Variants in DVL1 observed in about 807,000 individuals in gnomAD.
DVL1 encodes the protein segment polarity protein dishevelled homolog DVL-1.
A neutral mutation model predicts 65.0 loss-of-function variants in DVL1; 49 were observed. That is an observed-to-expected ratio of 0.75 (90% CI 0.60 to 0.96). DVL1 has a LOEUF of 0.96. Among genes scored for constraint, DVL1 ranks in the 40% least tolerant of loss-of-function variants. The pLI is 0.00. For synonymous variants in DVL1, 608 were observed against 433.9 expected (o/e 1.40, Z -4.99); for missense variants, 1,197 against 1,045.4 (o/e 1.15, Z -2.00).
chr1:1,339,167 G>A lies in DVL1; in HGVS notation c.1207+120C>T, dbSNP rs968566352. 5.2e-6 allele frequency: 7 copies of A among 1,349,016 alleles called. No individual in the cohort carries two copies. The East Asian group carries it at 7.5e-5, about 14-fold the overall frequency. The allele number at this position is 1,349,016 out of a possible 1,614,324, so 83.6% of individuals were successfully genotyped here. Reference sequence around the variant, plus strand: ...GCACACGTCTGTGCAGGGAGTTGGGGACAGGCAACACACACGTGTCACAGC... The same window carrying A: ...GCACACGTCTGTGCAGGGAGTTGGGAACAGGCAACACACACGTGTCACAGC... On this transcript the variant is annotated intron_variant, in intron 11 of 14. Transcript: ENST00000378888.
Position 1,340,479 on chromosome 1 carries a change from G to A in DVL1, c.630C>T (p.Ser210=), listed in dbSNP as rs1180300096. 1.2e-6 allele frequency: 2 copies of A among 1,609,292 alleles called. No homozygotes were observed. The highest frequency in any genetic ancestry group is 1.7e-6 in the Non-Finnish European group (2 of 1,178,192). ...GCTTCCGGATGAGTCTGGATGAGGT[G>A]CTCTGCTCCGTGGAGCTGCTGAGCC... ...TSRLSSSTEQ[S]TSSRLIRKHK... Residue 210 remains serine (S), a synonymous_variant, in exon 6 of 15, where the codon AGC becomes AGT. Transcript: ENST00000378888.
At position 1,335,905 on chromosome 1, in the gene DVL1, G is replaced by A. The variant is rs1643554500; in HGVS notation, c.*237C>T. On this transcript the variant is annotated 3_prime_UTR_variant, in exon 15 of 15. Coordinates refer to ENST00000378888, the MANE Select transcript of DVL1 (RefSeq NM_001330311.2). Reference sequence around the variant, plus strand: ...GGATCCCCACCAGACACAAGGGGTTGGGAGGTCCGAGGCTCTCGCTGAGGG... The same window carrying A: ...GGATCCCCACCAGACACAAGGGGTTAGGAGGTCCGAGGCTCTCGCTGAGGG... 1.7e-5 allele frequency: 10 copies of A among 595,738 alleles called. No individual in the cohort carries two copies. In the South Asian group the frequency reaches 2.0e-4, roughly 12 times the overall value. 36.9% of individuals were successfully genotyped at this position (595,738 alleles called of 1,614,324 possible). A position where few individuals can be genotyped will look rare whatever the true frequency, so the allele number is the denominator to read the frequency against.
At chr1:1,344,187 C>G (rs1643885719) in intron 1 of DVL1, among the ~76,000 whole-genome samples, 1 of 152,178 alleles carries the variant, frequency 6.6e-6, no homozygotes, top group Non-Finnish European at 1.5e-5. Context: ...CCTCGTGGCA[C>G]CCTGCCCTGC....
chr1:1,335,876 G>C lies in DVL1; in HGVS notation c.*266C>G, dbSNP rs947275888. 5 of 565,314 alleles carry C rather than the reference G, an allele frequency of 8.8e-6. No individual in the cohort carries two copies. Among genetic ancestry groups the C allele is most frequent in the Non-Finnish European group, 1.6e-5 (5 of 317,978 alleles). 35.0% of individuals were successfully genotyped at this position (565,314 alleles called of 1,614,324 possible). A position where few individuals can be genotyped will look rare whatever the true frequency, so the allele number is the denominator to read the frequency against. On this transcript the variant is annotated 3_prime_UTR_variant, in exon 15 of 15. Transcript: ENST00000378888. ...GCCCGAGGGGGTCTTCCTCATCCCAGGAGGGATCCCCACCAGACACAAGGG... is the reference window on the plus strand; with the variant it reads ...GCCCGAGGGGGTCTTCCTCATCCCACGAGGGATCCCCACCAGACACAAGGG...
In DVL1 at chr1:1,342,039, C is replaced by T. The variant is rs1350821017; in HGVS notation, c.466+14G>A. On this transcript the variant is annotated intron_variant, in intron 4 of 14. Transcript: ENST00000378888. ...GGCTGGGGGTCCACAGCTGGGCAGA[C>T]ATGACCACTGTACCCTCCTCGCGGT... is the stretch of plus-strand genomic sequence containing the variant. The T allele has an allele frequency of 6.4e-7, 1 of 1,557,578 alleles. No individual in the cohort carries two copies. Among genetic ancestry groups the T allele is most frequent in the Admixed American group, 1.9e-5 (1 of 52,828 alleles).
chr1:1,347,745 C>T (rs963470563), intron 1 of DVL1, among the ~76,000 whole-genome samples: 1 of 152,198 alleles, frequency 6.6e-6, no homozygotes, highest in Non-Finnish European at 1.5e-5. Context: ...AAACAAACCG[C>T]CCCCTCCTGC....
At chr1:1,348,304 A>G (rs545653547) in intron 1 of DVL1, among the ~76,000 whole-genome samples, 6 of 152,258 alleles carry the variant, frequency 3.9e-5, no homozygotes, top group Admixed American at 3.9e-4. Flanking sequence ...CGGGAACGCA[A>G]GTGCTTTGTG....
intron 14 of DVL1, 92 bp downstream of exon 14, chr1:1,337,884 CG>C (rs1557663549): frequency 1.3e-6 from 1 of 744,124 alleles, no homozygotes. Context: ...GGAGCAGCAG[CG>C]GGGTGGGGTG....
At chr1:1,339,235 C>T (rs1456192785) in intron 11 of DVL1, 52 bp downstream of exon 11, 7 of 1,545,340 alleles carry the variant, frequency 4.5e-6, no homozygotes, top group African/African-American at 1.4e-5. Context: ...CTGGCAGAGA[C>T]GCCCCCTCCA....
At position 1,335,857 on chromosome 1, in the gene DVL1, G is replaced by T. The variant is rs943495589; in HGVS notation, c.*285C>A. The T allele has an allele frequency of 3.9e-6, 2 of 517,730 alleles. No homozygotes were observed. Among genetic ancestry groups the T allele is most frequent in the Non-Finnish European group, 6.9e-6 (2 of 291,488 alleles). The allele number at this position is 517,730 out of a possible 1,614,324, so 32.1% of individuals were successfully genotyped here. On this transcript the variant is annotated 3_prime_UTR_variant, in exon 15 of 15. Transcript: ENST00000378888. The stretch of plus-strand genomic sequence containing the variant: ...AGGTGGGGGTCAGCCGAGAGCCCGA[G>T]GGGGTCTTCCTCATCCCAGGAGGGA...
Position 1,341,197 on chromosome 1 carries a change from G to A in DVL1, c.605+470C>T, listed in dbSNP as rs1273717109. Among the ~76,000 whole-genome samples the A allele has an allele frequency of 2.0e-5, 3 of 147,578 alleles. No homozygotes were observed. The East Asian group carries it at 6.2e-4, about 30-fold the overall frequency. ...CCTGCACACACGCACATCTGCACAC[G>A]CACACCTGCACACACGCACACGCAC... On this transcript the variant is annotated intron_variant, in intron 5 of 14. Transcript: ENST00000378888.
At chr1:1,338,805 C>A in intron 11 of DVL1, 152 bp from the exon 12 acceptor site, 1 of 1,273,374 alleles carries the variant, frequency 7.9e-7, no homozygotes, top group East Asian at 2.5e-5. Context: ...CTGCAGGATG[C>A]ACCCCCGTGA....
At chr1:1,338,723 C>A in intron 11 of DVL1, 70 bp from the exon 12 acceptor site, 2 of 1,552,952 alleles carry the variant, frequency 1.3e-6, no homozygotes, top group Admixed American at 1.8e-5. Context: ...CCTGCACCCC[C>A]AGGGGAGCCT....
At position 1,338,530 on chromosome 1, in the gene DVL1, G is replaced by A. The variant is rs1643670625; in HGVS notation, c.1331C>T (p.Ala444Val). 1 of 1,612,422 alleles carries A rather than the reference G, an allele frequency of 6.2e-7. No individual in the cohort carries two copies. The highest frequency in any genetic ancestry group is 1.3e-5 in the African/African-American group (1 of 74,936). Residue 444 changes from alanine (A) to valine (V), a missense_variant, in exon 12 of 15, where the codon GCC becomes GTC. Ala to Val is a moderately conservative substitution (Grantham distance 64). Coordinates refer to ENST00000378888, the MANE Select transcript of DVL1 (RefSeq NM_001330311.2). Reference protein sequence around the residue: ...RMWLKITIANAVIGADVVDWL... With the variant: ...RMWLKITIANVVIGADVVDWL... ...CGGGGACGGCCACTCACCGATGACGGCATTGGCGATGGTGATCTTGAGCCA... is the reference window on the plus strand; with the variant it reads ...CGGGGACGGCCACTCACCGATGACGACATTGGCGATGGTGATCTTGAGCCA...
In DVL1 at chr1:1,338,303, C is replaced by T. The variant is rs1426081683; in HGVS notation, c.1473G>A (p.Glu491=). 1 of 1,610,338 alleles carries T rather than the reference C, an allele frequency of 6.2e-7. No individual in the cohort carries two copies. Among genetic ancestry groups the T allele is most frequent in the South Asian group, 1.1e-5 (1 of 90,938 alleles). ...GATCCCCGAAGACGTAGTAGCACTG[C>T]TCGGAGAAGGTGATCTTGTTGACCG... ...RHTVNKITFS[E]QCYYVFGDLC... The change falls in exon 13 of 15, where the codon GAG becomes GAA. Residue 491 remains glutamate, a synonymous_variant. Transcript: ENST00000378888.
At chr1:1,343,470 A>C (rs1569731406) in intron 1 of DVL1, among the ~76,000 whole-genome samples, 1 of 151,614 alleles carries the variant, frequency 6.6e-6, no homozygotes, top group East Asian at 1.9e-4. Flanking sequence ...ACCTGCACCC[A>C]CCCCTGCACT....
Position 1,340,243 on chromosome 1 carries a change from T to C in DVL1, c.769+4A>G, listed in dbSNP as rs763396060. The C allele has an allele frequency of 4.3e-6, 7 of 1,613,800 alleles. No homozygotes were observed. The stretch of plus-strand genomic sequence containing the variant: ...TGCCCCCAACCCTCGCCCCGAGGCC[T>C]CACCCATGTTGAGCGTGACAGTGAC... On this transcript the variant is annotated splice_donor_region_variant and intron_variant, in intron 7 of 14. Transcript: ENST00000378888.
At chr1:1,341,135 C>T (rs563397836) in intron 5 of DVL1, among the ~76,000 whole-genome samples, 48 of 148,798 alleles carry the variant, frequency 3.2e-4, no homozygotes, top group African/African-American at 1.1e-3. Flanking sequence ...ACATGCACAC[C>T]TGCACGCACA....
rs966492569 is a variant in DVL1, at chr1:1,339,655, G to A, written c.987-6C>T. On this transcript the variant is annotated splice_region_variant and splice_polypyrimidine_tract_variant and intron_variant, in intron 9 of 14. Transcript: ENST00000378888. ...CCACAGTGAGGCTGATGGGCCTGCA[G>A]GAACGGTGGTCACACAGCAAGGCCC... is the stretch of plus-strand genomic sequence containing the variant. The A allele has an allele frequency of 6.2e-7, 1 of 1,611,332 alleles. No homozygotes were observed. Among genetic ancestry groups the A allele is most frequent in the Admixed American group, 1.7e-5 (1 of 59,922 alleles).
Sources: gnomAD v4.1 joint callset for allele counts (sites outside exome capture counted in the v4.1 genomes callset) on GRCh38, gnomAD v4.1.1 for gene constraint, MANE v1.5 for transcripts, NCBI Gene and HGNC (gene_info 2026-07-23, HGNC 2026-07-21) for gene names.